The following CPEB1 variants were observed in gnomAD, a reference collection of about 807,000 sequenced individuals.
CPEB1 encodes the protein cytoplasmic polyadenylation element binding protein 1, also known as cytoplasmic polyadenylation element-binding protein 1.
In CPEB1, 7 loss-of-function variants were observed where a neutral mutation model predicts 65.8. That is an observed-to-expected ratio of 0.11 (90% CI 0.06 to 0.20). The LOEUF is 0.20. Ranked by LOEUF, CPEB1 falls within the 10% of genes least tolerant of loss-of-function variation. The pLI, the probability that CPEB1 is intolerant of heterozygous loss-of-function variation, is 1.00. For synonymous variants in CPEB1, 262 were observed against 260.0 expected (o/e 1.01, Z -0.08); for missense variants, 551 against 712.2 (o/e 0.77, Z 2.58).
intron 3 of CPEB1, chr15:82,583,538 T>C (rs555434995): frequency 6.6e-6 from 1 of 152,298 alleles, no homozygotes; most frequent in South Asian, 2.1e-4. Flanking sequence ...TGGTACAACA[T>C]TCTGGAGAGC....
At chr15:82,646,125 T>C (rs1200340350) in intron 1 of CPEB1, among the ~76,000 whole-genome samples, 1 of 152,094 alleles carries the variant, frequency 6.6e-6, no homozygotes, top group Non-Finnish European at 1.5e-5. Context: ...GGGTCCTGTT[T>C]GAATTTATTT....
At chr15:82,581,772 T>A (rs2151102094) in intron 3 of CPEB1, among the ~76,000 whole-genome samples, 1 of 152,350 alleles carries the variant, frequency 6.6e-6, no homozygotes, top group East Asian at 1.9e-4. Flanking sequence ...AGGTTTTTGT[T>A]GAATTGCTTT....
At chr15:82,595,157 T>C (rs143828391) in intron 3 of CPEB1, among the ~76,000 whole-genome samples, 1 of 152,326 alleles carries the variant, frequency 6.6e-6, no homozygotes, top group East Asian at 1.9e-4. Context: ...TGAGGTGTGA[T>C]AAAATAAAGC....
At chr15:82,553,624 G>A in intron 7 of CPEB1, 68 bp from the exon 8 acceptor site, 1 of 1,168,346 alleles carries the variant, frequency 8.6e-7, no homozygotes, top group Admixed American at 1.9e-5. Flanking sequence ...CACAAACACA[G>A]AATCACCAGC....
At chr15:82,647,730 G>A, upstream of CPEB1, 1 of 881,916 alleles carries the variant, frequency 1.1e-6, no homozygotes, top group Non-Finnish European at 1.5e-6. Flanking sequence ...ACCGCGCCCC[G>A]CCCGGGACTC....
At chr15:82,588,535 G>T (rs2041979397) in intron 3 of CPEB1, among the ~76,000 whole-genome samples, 1 of 152,132 alleles carries the variant, frequency 6.6e-6, no homozygotes, top group Non-Finnish European at 1.5e-5. Flanking sequence ...CAGCATGGCA[G>T]TCCATTCCAT....
At chr15:82,636,162 A>G (rs1287110348) in intron 1 of CPEB1, among the ~76,000 whole-genome samples, 1 of 152,138 alleles carries the variant, frequency 6.6e-6, no homozygotes, top group Non-Finnish European at 1.5e-5. Flanking sequence ...CTCCCAATTC[A>G]TTGCCAATTT....
chr15:82,547,776 A>G (rs1360540393), intron 10 of CPEB1, among the ~76,000 whole-genome samples: 1 of 151,866 alleles, frequency 6.6e-6, no homozygotes, highest in South Asian at 2.1e-4. Flanking sequence ...AGGCTCAAAC[A>G]ATCTCCTGCC....
rs1358340224 is a variant in CPEB1, at chr15:82,544,676, G to A, written c.1683C>T (p.Ser561=). Residue 561 remains serine, a synonymous_variant, in exon 13 of 13, where the codon AGC becomes AGT. Transcript: ENST00000684509. The part of the protein sequence containing the change: ...DQVCFKYFCR[S]CWHWRHSMEG... ...CCATGCTGTGCCGCCAGTGCCAGCA[G>A]CTCCGGCAGAAGTATTTGAAGCAGA... The A allele has an allele frequency of 3.7e-6, 6 of 1,613,352 alleles. No individual in the cohort carries two copies. Among genetic ancestry groups the A allele is most frequent in the Middle Eastern group, 1.7e-4 (1 of 5,764 alleles).
chr15:82,550,792 GATTGGCTAT>G (rs2036101773), intron 9 of CPEB1, among the ~76,000 whole-genome samples: 1 of 152,200 alleles, frequency 6.6e-6, no homozygotes, highest in Admixed American at 6.5e-5. Context: ...GGGAGTCAAA[GATTGGCTAT>G]ATTGGCTATG....
At chr15:82,561,164 T>C (rs17158419) in intron 4 of CPEB1, among the ~76,000 whole-genome samples, 3,381 of 152,224 alleles carry the variant, frequency 0.022, 110 homozygotes, top group African/African-American at 0.078. Flanking sequence ...CAGAGTATGG[T>C]AGAGGTGGCT....
chr15:82,579,220 A>AG (rs2040978392), intron 3 of CPEB1, among the ~76,000 whole-genome samples: 1 of 152,084 alleles, frequency 6.6e-6, no homozygotes, highest in Non-Finnish European at 1.5e-5. Flanking sequence ...CCAACACTTT[A>AG]GGGGGCTAAA....
At chr15:82,627,510 G>C in intron 2 of CPEB1, 143 bp from the exon 3 acceptor site, 1 of 599,840 alleles carries the variant, frequency 1.7e-6, no homozygotes. Flanking sequence ...TTTACTATGA[G>C]CTAAGTACTC....
At position 82,543,445 on chromosome 15, in the gene CPEB1, GTTTT is replaced by G. The variant is rs1411023368; in HGVS notation, c.*1143_*1146del. 14 of 118,734 alleles carry G rather than the reference GTTTT, an allele frequency of 1.2e-4. No homozygotes were observed. The highest frequency in any genetic ancestry group is 1.1e-3 in the South Asian group (4 of 3,572). 7.4% of individuals were successfully genotyped at this position (118,734 alleles called of 1,614,324 possible). A position where few individuals can be genotyped will look rare whatever the true frequency, so the allele number is the denominator to read the frequency against. On this transcript the variant is annotated 3_prime_UTR_variant, in exon 13 of 13. Transcript: ENST00000684509. ...TAGGAGGGGCAAGTAGTTTTTGTGG[GTTTT>G]TTGTTTCTTTTTAAAAAAAAAAAAA...
At chr15:82,553,440 T>G (rs751751523) in intron 8 of CPEB1, 27 bp downstream of exon 8, 5 of 1,580,646 alleles carry the variant, frequency 3.2e-6, no homozygotes, top group Admixed American at 3.3e-5. Flanking sequence ...GCTCCTACCA[T>G]GTCTTTATTA....
Position 82,606,581 on chromosome 15 carries a change from G to A in CPEB1, c.271+20612C>T, listed in dbSNP as rs56180234. ...CGCCTGTAATCCCAGCACTTTGGGA[G>A]GCCGAGGCGGGCGGATCACGAGGTC... On this transcript the variant is annotated intron_variant, in intron 3 of 12. Transcript: ENST00000684509. Among the ~76,000 whole-genome samples, 203 of 110,006 alleles carry A rather than the reference G, an allele frequency of 1.8e-3. 5 individuals carry two copies. Among genetic ancestry groups the A allele is most frequent in the Middle Eastern group, 0.01 (2 of 194 alleles). The allele number at this position is 110,006 out of a possible 152,430, so 72.2% of individuals were successfully genotyped here. A position where few individuals can be genotyped will look rare whatever the true frequency, so the allele number is the denominator to read the frequency against.
intron 4 of CPEB1, among the ~76,000 whole-genome samples, chr15:82,560,187 T>C (rs1228889123): frequency 6.6e-6 from 1 of 152,180 alleles, no homozygotes; most frequent in East Asian, 1.9e-4. Flanking sequence ...TATTCAAGGT[T>C]CCACCCTAAT....
chr15:82,608,573 A>G (rs1208370450), intron 3 of CPEB1, among the ~76,000 whole-genome samples: 1 of 152,238 alleles, frequency 6.6e-6, no homozygotes, highest in African/African-American at 2.4e-5. Context: ...TGTTCTTACC[A>G]AGATTCAGCT....
chr15:82,568,669 T>C (rs953207415), intron 4 of CPEB1, among the ~76,000 whole-genome samples: 2 of 152,164 alleles, frequency 1.3e-5, no homozygotes, highest in African/African-American at 4.8e-5. Context: ...AAGAATCCAA[T>C]GAAAGGTTGT....
Sources: gnomAD v4.1 joint callset for allele counts (sites outside exome capture counted in the v4.1 genomes callset) on GRCh38, gnomAD v4.1.1 for gene constraint, MANE v1.5 for transcripts, NCBI Gene and HGNC (gene_info 2026-07-23, HGNC 2026-07-21) for gene names.